The following PRPF6 variants were observed in gnomAD, a reference collection of about 807,000 sequenced individuals.
The protein encoded by PRPF6 is pre-mRNA-processing factor 6.
PRPF6 carries 42 observed loss-of-function variants against 118.3 expected under a neutral mutation model. The observed-to-expected ratio is 0.35, with a 90% confidence interval of 0.28 to 0.46. The LOEUF (loss-of-function observed/expected upper bound fraction) is 0.46, where lower values mean the gene tolerates loss of function less well. Among genes scored for constraint, PRPF6 ranks in the 20% least tolerant of loss-of-function variants. The pLI, the probability that PRPF6 is intolerant of heterozygous loss-of-function variation, is 1.00. For synonymous variants in PRPF6, 481 were observed against 485.1 expected, an observed-to-expected ratio of 0.99 and a Z score of 0.11; for missense variants, 662 against 1,255.7, an observed-to-expected ratio of 0.53 and a Z score of 7.15.
At position 64,010,315 on chromosome 20, in the gene PRPF6, G is replaced by A. The variant is rs145935687; in HGVS notation, c.1302G>A (p.Val434=). The change falls in exon 10 of 21, where the codon GTG becomes GTA. Residue 434 remains valine, a synonymous_variant. Transcript: ENST00000266079. ...SRAVECCPTS[V]ELWLALARLE... is the part of the protein sequence containing the mutation. The stretch of plus-strand genomic sequence containing the variant: ...CTGTGGAGTGCTGCCCCACCAGCGT[G>A]GAGGTGAGTCTGGCGGGCTCAGGGC... 7.8e-5 allele frequency: 126 copies of A among 1,612,918 alleles called. No homozygotes were observed. The African/African-American group carries it at 1.5e-3, about 20-fold the overall frequency.
chr20:63,997,671 G>A (rs988629818), intron 6 of PRPF6, among the ~76,000 whole-genome samples: 3 of 151,946 alleles, frequency 2.0e-5, no homozygotes, highest in African/African-American at 7.3e-5. Flanking sequence ...TGGCCAGGAT[G>A]GTCTTGATCT....
intron 1 of PRPF6, among the ~76,000 whole-genome samples, chr20:63,982,680 C>G (rs1237552008): frequency 6.6e-6 from 1 of 152,096 alleles, no homozygotes; most frequent in African/African-American, 2.4e-5. Context: ...AAAATTACAT[C>G]ATGGTCCCGT....
chr20:64,024,442 A>G (rs2059278871), intron 13 of PRPF6, 113 bp from the exon 14 acceptor site: 1 of 1,387,512 alleles, frequency 7.2e-7, no homozygotes, highest in Admixed American at 1.7e-5. Context: ...CATTTATAGC[A>G]TCGAACTTTG....
At chr20:63,986,868 A>G (rs1204672681) in intron 3 of PRPF6, among the ~76,000 whole-genome samples, 2 of 151,570 alleles carry the variant, frequency 1.3e-5, no homozygotes, top group Non-Finnish European at 2.9e-5. Flanking sequence ...AAAACTGCAT[A>G]TAGAAGAAAC....
chr20:64,019,938 G>A (rs1016079122), intron 12 of PRPF6, among the ~76,000 whole-genome samples: 5 of 152,224 alleles, frequency 3.3e-5, no homozygotes, highest in Non-Finnish European at 5.9e-5. Flanking sequence ...CCTTCCTCTC[G>A]TAGAAGGCAG....
chr20:64,005,340 C>T (rs775528837), intron 9 of PRPF6, among the ~76,000 whole-genome samples: 3 of 152,144 alleles, frequency 2.0e-5, no homozygotes, highest in Non-Finnish European at 2.9e-5. Flanking sequence ...TCTTTAGAGA[C>T]GCGAAGTTCA....
chr20:64,003,153 G>A (rs1179812248), intron 9 of PRPF6, among the ~76,000 whole-genome samples: 1 of 152,080 alleles, frequency 6.6e-6, no homozygotes, highest in Non-Finnish European at 1.5e-5. Context: ...TGTTGTCCAA[G>A]CTTGTCTCAA....
rs913329438 is a variant in PRPF6, at chr20:64,008,065, C to T, written c.1187-2135C>T. 7.2e-5 allele frequency among the ~76,000 whole-genome samples: 11 copies of T among 152,326 alleles called. No individual in the cohort carries two copies. In the East Asian group the frequency reaches 7.7e-4, roughly 11 times the overall value. On this transcript the variant is annotated intron_variant, in intron 9 of 20. Coordinates refer to ENST00000266079, the MANE Select transcript of PRPF6 (RefSeq NM_012469.4). ...GTGCTGGGATTACAGGCGTGAGCTA[C>T]GGGCTGTACCTGGCCCGGCCTAATT... is the stretch of plus-strand genomic sequence containing the variant.
rs2059279744 is a variant in PRPF6, at chr20:64,024,580, A to C, written c.1795A>C (p.Arg599=). Residue 599 remains arginine (R), a synonymous_variant, in exon 14 of 21, where the codon AGG becomes CGG. Transcript: ENST00000266079. ...TRESLEALLQ[R]AVAHCPKAEV... is the part of the protein sequence containing the mutation. ...GGAGTCCCTGGAAGCACTCCTGCAGAGGGCTGTGGCCCACTGCCCCAAAGC... is the reference window on the plus strand; with the variant it reads ...GGAGTCCCTGGAAGCACTCCTGCAGCGGGCTGTGGCCCACTGCCCCAAAGC... 1.2e-6 allele frequency: 2 copies of C among 1,613,588 alleles called. No homozygotes were observed. The highest frequency in any genetic ancestry group is 8.5e-7 in the Non-Finnish European group (1 of 1,180,024).
At chr20:64,003,384 C>G (rs1295975694) in intron 9 of PRPF6, among the ~76,000 whole-genome samples, 4 of 152,176 alleles carry the variant, frequency 2.6e-5, no homozygotes, top group Non-Finnish European at 5.9e-5. Context: ...GCTGATAGGA[C>G]CGTGCAGATG....
chr20:64,020,029 T>C (rs1362578178), intron 12 of PRPF6, among the ~76,000 whole-genome samples: 2 of 152,230 alleles, frequency 1.3e-5, no homozygotes, highest in African/African-American at 4.8e-5. Context: ...ATCTTTGCCA[T>C]TGTCATGTTC....
At chr20:64,001,979 GCTT>G (rs995158247) in intron 9 of PRPF6, among the ~76,000 whole-genome samples, 6 of 150,486 alleles carry the variant, frequency 4.0e-5, no homozygotes, top group African/African-American at 1.5e-4. Context: ...TGTGCAGGTG[GCTT>G]CTTTTTTTTC....
chr20:63,993,946 C>T (rs115832678), intron 4 of PRPF6, among the ~76,000 whole-genome samples: 1,934 of 151,748 alleles, frequency 0.013, 36 homozygotes, highest in African/African-American at 0.044. Context: ...GACAGGATTT[C>T]GCCATGTGTA....
chr20:64,013,894 T>C (rs1257556368), intron 11 of PRPF6, among the ~76,000 whole-genome samples: 3 of 152,134 alleles, frequency 2.0e-5, no homozygotes, highest in Non-Finnish European at 4.4e-5. Flanking sequence ...TGTCCGTGAG[T>C]TGTTGCTCCC....
chr20:64,010,877 C>T (rs1328640978), intron 10 of PRPF6, among the ~76,000 whole-genome samples: 2 of 152,252 alleles, frequency 1.3e-5, no homozygotes, highest in South Asian at 2.1e-4. Flanking sequence ...GAATAAAGCC[C>T]GTACACATCT....
At chr20:64,017,043 C>T (rs527547665) in intron 12 of PRPF6, among the ~76,000 whole-genome samples, 198 bp downstream of exon 12, 5 of 152,148 alleles carry the variant, frequency 3.3e-5, no homozygotes, top group African/African-American at 7.2e-5. Context: ...CCTGGGTTCA[C>T]GCCATTCTCC....
Position 64,016,860 on chromosome 20 carries a change from G to A in PRPF6, c.1647+15G>A, listed in dbSNP as rs576540475. ...ATGCTGACAGTGTGAGTTGGCAACA[G>A]GGGCCTTTGTCCGTAATATGGAGTC... On this transcript the variant is annotated intron_variant, in intron 12 of 20. Coordinates refer to ENST00000266079, the MANE Select transcript of PRPF6 (RefSeq NM_012469.4). The A allele has an allele frequency of 5.6e-5, 91 of 1,614,092 alleles. 1 individual carries two copies. The South Asian group carries it at 9.9e-4, about 18-fold the overall frequency.
chr20:64,015,309 C>G (rs566284463), intron 11 of PRPF6, among the ~76,000 whole-genome samples: 148 of 152,318 alleles, frequency 9.7e-4, no homozygotes, highest in African/African-American at 2.1e-3. Flanking sequence ...TGCCGCAGGC[C>G]CCTGAGGGTC....
At position 63,983,095 on chromosome 20, in the gene PRPF6, A is replaced by G. The variant is rs34062309; in HGVS notation, c.120A>G (p.Ala40=). Reference sequence around the variant, plus strand: ...CAGACATTGGGCCCGCCCGTGATGCAAATGACCCTGTGGATGATCGCCATG... The same window carrying G: ...CAGACATTGGGCCCGCCCGTGATGCGAATGACCCTGTGGATGATCGCCATG... ...TRSDIGPARD[A]NDPVDDRHAP... Residue 40 remains alanine, a synonymous_variant, in exon 2 of 21, where the codon GCA becomes GCG. Coordinates refer to ENST00000266079, the MANE Select transcript of PRPF6 (RefSeq NM_012469.4). The G allele has an allele frequency of 3.0e-3, 4,824 of 1,614,234 alleles. 100 individuals carry two copies. In the African/African-American group the frequency reaches 0.044, roughly 15 times the overall value.
Sources: gnomAD v4.1 joint callset for allele counts (sites outside exome capture counted in the v4.1 genomes callset) on GRCh38, gnomAD v4.1.1 for gene constraint, MANE v1.5 for transcripts, NCBI Gene and HGNC (gene_info 2026-07-23, HGNC 2026-07-21) for gene names.